The following CTNND2 variants were observed in gnomAD, a reference collection of about 807,000 sequenced individuals.
CTNND2 encodes catenin delta 2.
Under a neutral mutation model 144.4 loss-of-function variants are expected in CTNND2, and 22 were observed. The ratio of observed to expected loss-of-function variants is 0.15; its 90% confidence interval spans 0.11 to 0.22. CTNND2 has a LOEUF of 0.22. CTNND2 is among the 10% of genes least tolerant of loss of function. CTNND2 has a pLI of 1.00. For synonymous variants in CTNND2, 751 were observed against 695.6 expected, an observed-to-expected ratio of 1.08 and a Z score of -1.25; for missense variants, 1,353 against 1,618.8, an observed-to-expected ratio of 0.84 and a Z score of 2.82.
intron 1 of CTNND2, among the ~76,000 whole-genome samples, chr5:11,755,296 C>T (rs1031847300): frequency 6.6e-6 from 1 of 151,752 alleles, no homozygotes; most frequent in Non-Finnish European, 1.5e-5. Context: ...TGTAGAGTTT[C>T]TGCTGAAAAG....
At chr5:11,196,893 TTCCTTTTGCCTCATTTTA>T (rs1736912068) in intron 11 of CTNND2, among the ~76,000 whole-genome samples, 1 of 152,230 alleles carries the variant, frequency 6.6e-6, no homozygotes, top group Non-Finnish European at 1.5e-5. Context: ...CTGAGGTGAA[TTCCTTTTGCCTCATTTTA>T]GGTTTGCTTT....
intron 1 of CTNND2, among the ~76,000 whole-genome samples, chr5:11,792,601 A>C (rs1040848953): frequency 1.3e-5 from 2 of 152,222 alleles, no homozygotes; most frequent in African/African-American, 4.8e-5. Context: ...GTCTAAGAGG[A>C]AGCACATCAA....
chr5:11,232,383 C>G (rs547093780), intron 10 of CTNND2, among the ~76,000 whole-genome samples: 42 of 152,370 alleles, frequency 2.8e-4, no homozygotes, highest in Non-Finnish European at 4.3e-4. Flanking sequence ...CTGTACCCTG[C>G]AAAGCCATAG....
intron 3 of CTNND2, among the ~76,000 whole-genome samples, chr5:11,425,013 C>T (rs1328181576): frequency 1.3e-5 from 2 of 152,182 alleles, no homozygotes; most frequent in Admixed American, 6.5e-5. Flanking sequence ...TGCCCATTGC[C>T]AATCAGAGAC....
chr5:11,175,931 G>C (rs896257100), intron 11 of CTNND2, among the ~76,000 whole-genome samples: 2 of 152,156 alleles, frequency 1.3e-5, no homozygotes, highest in African/African-American at 4.8e-5. Context: ...AGCAGACATG[G>C]CATCTCCTTC....
At chr5:11,093,170 G>A (rs1750955927) in intron 15 of CTNND2, among the ~76,000 whole-genome samples, 1 of 152,184 alleles carries the variant, frequency 6.6e-6, no homozygotes, top group Non-Finnish European at 1.5e-5. Flanking sequence ...ACTTTAGGAG[G>A]AAAACTGAGT....
At chr5:11,001,649 T>C (rs560789314) in intron 18 of CTNND2, among the ~76,000 whole-genome samples, 35 of 152,346 alleles carry the variant, frequency 2.3e-4, no homozygotes, top group African/African-American at 6.7e-4. Flanking sequence ...ACCTTTTTCT[T>C]TTAATTGTAG....
intron 9 of CTNND2, among the ~76,000 whole-genome samples, chr5:11,262,060 A>G (rs1405953183): frequency 1.3e-5 from 2 of 152,204 alleles, no homozygotes; most frequent in Admixed American, 6.5e-5. Flanking sequence ...CCTGTTAAAA[A>G]AGATAGGAGG....
At chr5:11,866,325 C>T (rs1466706990) in intron 1 of CTNND2, among the ~76,000 whole-genome samples, 1 of 152,096 alleles carries the variant, frequency 6.6e-6, no homozygotes, top group Non-Finnish European at 1.5e-5. Context: ...TAAGAAAATG[C>T]ATTTGTGATG....
intron 3 of CTNND2, among the ~76,000 whole-genome samples, chr5:11,489,949 G>C (rs967949133): frequency 6.6e-6 from 1 of 152,096 alleles, no homozygotes; most frequent in African/African-American, 2.4e-5. Flanking sequence ...TAATGGCTCA[G>C]ATTCATATTC....
chr5:11,152,583 C>T (rs920668572), intron 12 of CTNND2, among the ~76,000 whole-genome samples: 1 of 152,186 alleles, frequency 6.6e-6, no homozygotes, highest in African/African-American at 2.4e-5. Flanking sequence ...GTATAAAGCA[C>T]ACCTCCTTCT....
intron 16 of CTNND2, among the ~76,000 whole-genome samples, chr5:11,031,213 T>C (rs1239071309): frequency 1.3e-5 from 2 of 152,164 alleles, no homozygotes; most frequent in Non-Finnish European, 1.5e-5. Flanking sequence ...AATCATGGTA[T>C]GGGTATGTGC....
At chr5:11,779,830 T>C (rs1026237129) in intron 1 of CTNND2, among the ~76,000 whole-genome samples, 2 of 152,192 alleles carry the variant, frequency 1.3e-5, no homozygotes, top group African/African-American at 2.4e-5. Context: ...AACAGTATCA[T>C]TTAGCAAACA....
intron 16 of CTNND2, among the ~76,000 whole-genome samples, chr5:11,036,973 T>C (rs1305492022): frequency 2.6e-5 from 4 of 152,232 alleles, no homozygotes; most frequent in African/African-American, 9.6e-5. Context: ...ATGAGCATTA[T>C]GATTATGCTT....
At chr5:11,525,206 AG>A (rs1463488333) in intron 3 of CTNND2, among the ~76,000 whole-genome samples, 2 of 152,134 alleles carry the variant, frequency 1.3e-5, no homozygotes, top group Non-Finnish European at 2.9e-5. Flanking sequence ...TACATATCAA[AG>A]GAGATTTTTC....
chr5:11,211,750 C>A (rs145787546), intron 10 of CTNND2, among the ~76,000 whole-genome samples: 1 of 152,158 alleles, frequency 6.6e-6, no homozygotes. Context: ...AAAATAACAT[C>A]TTTCTAAAAT....
intron 9 of CTNND2, among the ~76,000 whole-genome samples, chr5:11,313,769 A>G (rs1751223474): frequency 6.6e-6 from 1 of 152,170 alleles, no homozygotes; most frequent in Non-Finnish European, 1.5e-5. Context: ...TAAAGAAAAG[A>G]GGTTTAATTG....
chr5:11,149,104 C>T (rs150148726), intron 12 of CTNND2, among the ~76,000 whole-genome samples: 46 of 152,286 alleles, frequency 3.0e-4, no homozygotes, highest in African/African-American at 9.9e-4. Flanking sequence ...CTGAGCAATG[C>T]GACAGGCCAC....
intron 1 of CTNND2, among the ~76,000 whole-genome samples, chr5:11,892,750 A>C (rs975482905): frequency 1.3e-5 from 2 of 152,152 alleles, no homozygotes; most frequent in African/African-American, 4.8e-5. Flanking sequence ...AATTAGCTAA[A>C]ATGATAAATA....
Sources: gnomAD v4.1 joint callset for allele counts (sites outside exome capture counted in the v4.1 genomes callset) on GRCh38, gnomAD v4.1.1 for gene constraint, MANE v1.5 for transcripts, NCBI Gene and HGNC (gene_info 2026-07-23, HGNC 2026-07-21) for gene names.